Variants in ADCY9 observed in about 807,000 individuals in gnomAD.
ADCY9 encodes the protein adenylate cyclase type 9.
Under a neutral mutation model 101.5 loss-of-function variants are expected in ADCY9, and 50 were observed. That is an observed-to-expected ratio of 0.49 (90% CI 0.39 to 0.62). The LOEUF is 0.62. ADCY9 is among the 20% of genes least tolerant of loss of function. ADCY9 has a pLI of 0.00. For missense variants in ADCY9, 1,662 were observed against 1,800.4 expected (o/e 0.92, Z 1.39); for synonymous variants, 905 against 769.3 (o/e 1.18, Z -2.92).
At chr16:4,098,982 G>C (rs1159503549) in intron 2 of ADCY9, among the ~76,000 whole-genome samples, 1 of 152,044 alleles carries the variant, frequency 6.6e-6, no homozygotes, top group Non-Finnish European at 1.5e-5. Flanking sequence ...ACCCAGGCTG[G>C]AGTGCAGTGG....
chr16:4,085,965 A>T (rs2056935335), intron 2 of ADCY9, among the ~76,000 whole-genome samples: 1 of 151,966 alleles, frequency 6.6e-6, no homozygotes, highest in Non-Finnish European at 1.5e-5. Context: ...TTATTAAAAA[A>T]AAAACAACAC....
Position 4,025,380 on chromosome 16 carries a change from A to AAT in ADCY9, c.1694-17823_1694-17822insAT, listed in dbSNP as rs1470077509. On this transcript the variant is annotated intron_variant, in intron 2 of 10. Coordinates refer to ENST00000294016, the MANE Select transcript of ADCY9 (RefSeq NM_001116.4). ...ACAGAGCAAGACTCTGTCTCCAAAA[A>AAT]AAAAAAAAAAGAAGTGGATCACTGT... Among the ~76,000 whole-genome samples the AAT allele has an allele frequency of 2.2e-5, 3 of 136,572 alleles. No individual in the cohort carries two copies. In the South Asian group the frequency reaches 6.8e-4, roughly 31 times the overall value. 89.6% of individuals were successfully genotyped at this position (136,572 alleles called of 152,430 possible).
intron 6 of ADCY9, among the ~76,000 whole-genome samples, chr16:3,988,429 G>C (rs1204478237): frequency 7.1e-6 from 1 of 140,614 alleles, no homozygotes; most frequent in Non-Finnish European, 1.5e-5. Context: ...TCGGTGGGGA[G>C]TTCCCTTCCA....
At chr16:4,069,995 G>C (rs2056823686) in intron 2 of ADCY9, among the ~76,000 whole-genome samples, 1 of 152,142 alleles carries the variant, frequency 6.6e-6, no homozygotes, top group African/African-American at 2.4e-5. Context: ...CCACTCAGGA[G>C]GGTGAGGCAC....
chr16:4,041,094 A>C lies in ADCY9; in HGVS notation c.1694-33536T>G, dbSNP rs572516118. Among the ~76,000 whole-genome samples the C allele has an allele frequency of 3.3e-5, 5 of 152,336 alleles. No individual in the cohort carries two copies. In the East Asian group the frequency reaches 9.7e-4, roughly 29 times the overall value. ...GAGGAAAATCATATAGGGGACATTAAAGACCAGCAGGGTCATAAGACTTCC... is the reference window on the plus strand; with the variant it reads ...GAGGAAAATCATATAGGGGACATTACAGACCAGCAGGGTCATAAGACTTCC... On this transcript the variant is annotated intron_variant, in intron 2 of 10. Transcript: ENST00000294016.
At chr16:4,078,625 A>T (rs1459560730) in intron 2 of ADCY9, among the ~76,000 whole-genome samples, 1 of 152,040 alleles carries the variant, frequency 6.6e-6, no homozygotes, top group Non-Finnish European at 1.5e-5. Flanking sequence ...AATATTTTAC[A>T]TAGTCCTCAG....
At chr16:4,028,156 T>C (rs571521321) in intron 2 of ADCY9, among the ~76,000 whole-genome samples, 13 of 152,290 alleles carry the variant, frequency 8.5e-5, no homozygotes, top group African/African-American at 2.9e-4. Flanking sequence ...ATACATGTGT[T>C]ATGATCCTTA....
rs1237196606 is a variant in ADCY9 at position 4,114,101 on chromosome 16, C to T, written c.1342G>A (p.Val448Met). 1 of 1,613,766 alleles carries T rather than the reference C, an allele frequency of 6.2e-7. No homozygotes were observed. Among genetic ancestry groups the T allele is most frequent in the African/African-American group, 1.3e-5 (1 of 74,924 alleles). The change falls in exon 2 of 11, where the codon GTG becomes ATG. Residue 448 changes from valine (V) to methionine (M), a missense_variant. By Grantham distance (21) the Val-to-Met change is conservative. Transcript: ENST00000294016. This position sits in a 1 kb window ranked among gnomAD's most constrained non-coding sequence, Gnocchi z 4.3. ...GCCCGGGGCTCGGGACAGCCCGCCA[C>T]GCAGTAGTAACAGTCTCCCAGGGTG... The part of the protein sequence containing the change: ...ISTLGDCYYC[V>M]AGCPEPRADH...
At chr16:3,956,338 T>C (rs1471733223) in intron 5 of ADCY9, among the ~76,000 whole-genome samples, 1 of 152,074 alleles carries the variant, frequency 6.6e-6, no homozygotes, top group South Asian at 2.1e-4. Context: ...AAATACACAA[T>C]AATGGCTTTT....
At chr16:4,107,793 G>C (rs1342974374) in intron 2 of ADCY9, among the ~76,000 whole-genome samples, 1 of 152,136 alleles carries the variant, frequency 6.6e-6, no homozygotes, top group African/African-American at 2.4e-5. Context: ...GGGGCGCCCA[G>C]ATTTCCGGCA....
rs1384682567 is a variant in ADCY9 at position 3,964,515 on chromosome 16, T to C, written c.*1260A>G. 1 of 152,298 alleles carries C rather than the reference T, an allele frequency of 6.6e-6. No homozygotes were observed. The highest frequency in any genetic ancestry group is 1.9e-4 in the East Asian group (1 of 5,190). 9.4% of individuals were successfully genotyped at this position (152,298 alleles called of 1,614,324 possible). A position where few individuals can be genotyped will look rare whatever the true frequency, so the allele number is the denominator to read the frequency against. ...TCCCCAGATTAAATCCTGCCACTGA[T>C]AGGCCCTGTGCCATCTGAGAGCGGG... On this transcript the variant is annotated 3_prime_UTR_variant, in exon 11 of 11. Transcript: ENST00000294016.
chr16:4,054,943 G>A (rs1238429539), intron 2 of ADCY9, among the ~76,000 whole-genome samples: 1 of 152,164 alleles, frequency 6.6e-6, no homozygotes, highest in Non-Finnish European at 1.5e-5. Context: ...AGATTTTAGG[G>A]TTTTTGCGGG....
chr16:3,977,870 C>T (rs1245003203), intron 8 of ADCY9, among the ~76,000 whole-genome samples: 1 of 152,120 alleles, frequency 6.6e-6, no homozygotes, highest in South Asian at 2.1e-4. Context: ...GCTCCCGGCA[C>T]CACACCTCGC....
At chr16:4,057,659 C>T (rs1406396012) in intron 2 of ADCY9, among the ~76,000 whole-genome samples, 2 of 152,242 alleles carry the variant, frequency 1.3e-5, no homozygotes, top group African/African-American at 4.8e-5. Context: ...CCCCACAAAG[C>T]TCTCTCCTCT....
In ADCY9 at chr16:3,966,875, G is replaced by A; in HGVS notation, c.2962C>T (p.Leu988Phe). The A allele has an allele frequency of 1.2e-6, 2 of 1,614,208 alleles. No homozygotes were observed. The highest frequency in any genetic ancestry group is 1.7e-6 in the Non-Finnish European group (2 of 1,180,048). The change falls in exon 11 of 11, where the codon CTC (leucine) becomes TTC (phenylalanine). Residue 988 changes from leucine to phenylalanine, a missense_variant. Leu to Phe is a conservative substitution (Grantham distance 22). Transcript: ENST00000294016. ...AGGAACCAGACCAACAAGAGCAGGAGAAAGAAGACGAGAACCACCTCCTGG... is the reference window on the plus strand; with the variant it reads ...AGGAACCAGACCAACAAGAGCAGGAAAAAGAAGACGAGAACCACCTCCTGG... ...IGQEVVLVFF[L>F]LLLLVWFLNR...
chr16:3,991,937 G>T (rs2056247605), intron 5 of ADCY9, among the ~76,000 whole-genome samples: 2 of 151,626 alleles, frequency 1.3e-5, no homozygotes, highest in Admixed American at 1.3e-4. Flanking sequence ...CAGGCATGGT[G>T]GTGGGTGCCA....
intron 2 of ADCY9, among the ~76,000 whole-genome samples, chr16:4,092,494 T>C (rs2056979829): frequency 6.6e-6 from 1 of 152,240 alleles, no homozygotes; most frequent in Non-Finnish European, 1.5e-5. Flanking sequence ...TATAGAATTG[T>C]TCATTAATTC....
At chr16:3,996,981 C>T (rs2056292271) in intron 3 of ADCY9, among the ~76,000 whole-genome samples, 1 of 152,168 alleles carries the variant, frequency 6.6e-6, no homozygotes, top group Admixed American at 6.5e-5. Context: ...TCTGCTGCCT[C>T]AACCTCCTGA....
chr16:4,004,683 AG>A (rs1276226309), intron 3 of ADCY9, among the ~76,000 whole-genome samples: 1 of 152,250 alleles, frequency 6.6e-6, no homozygotes, highest in Non-Finnish European at 1.5e-5. Context: ...CTGAATGCAA[AG>A]AGCTCCCAGG....
Sources: allele counts gnomAD v4.1 joint callset (sites outside exome capture counted in the v4.1 genomes callset), GRCh38; gene constraint gnomAD v4.1.1; non-coding constraint Gnocchi (gnomAD v3.1); transcripts MANE v1.5; gene names NCBI Gene and HGNC (gene_info 2026-07-23, HGNC 2026-07-21).